TNS3: variants seen among roughly 807,000 people sequenced by gnomAD.
The protein encoded by TNS3 is tensin-3.
A neutral mutation model predicts 140.9 loss-of-function variants in TNS3; 45 were observed. That is an observed-to-expected ratio of 0.32 (90% CI 0.25 to 0.41). The LOEUF (loss-of-function observed/expected upper bound fraction) is 0.41, where lower values mean the gene tolerates loss of function less well. Ranked by LOEUF, TNS3 falls within the 10% of genes least tolerant of loss-of-function variation. The pLI, the probability that TNS3 is intolerant of heterozygous loss-of-function variation, is 1.00. For synonymous variants in TNS3, 815 were observed against 788.4 expected (o/e 1.03, Z -0.56); for missense variants, 1,716 against 1,906.7 (o/e 0.90, Z 1.86).
At chr7:47,320,863 T>C (rs937223369) in intron 20 of TNS3, among the ~76,000 whole-genome samples, 1 of 152,190 alleles carries the variant, frequency 6.6e-6, no homozygotes, top group African/African-American at 2.4e-5. Context: ...GAGAGTGACA[T>C]AGGCCCTACT....
intron 1 of TNS3, 125 bp downstream of exon 1, chr7:47,581,926 C>CG: frequency 6.6e-6 from 1 of 152,370 alleles, no homozygotes. Context: ...CCCCGCGCCC[C>CG]AGCTCCAGAT....
intron 4 of TNS3, among the ~76,000 whole-genome samples, chr7:47,449,602 T>C (rs1795920097): frequency 6.6e-6 from 1 of 152,150 alleles, no homozygotes. Context: ...GTCTCCTTTT[T>C]GTTTTGTTTT....
At chr7:47,537,593 C>A (rs1245510313) in intron 1 of TNS3, among the ~76,000 whole-genome samples, 2 of 152,130 alleles carry the variant, frequency 1.3e-5, no homozygotes, top group East Asian at 2.0e-4. Flanking sequence ...GGATTTCAAA[C>A]CTCTCCGAGA....
intron 24 of TNS3, among the ~76,000 whole-genome samples, chr7:47,295,318 T>G (rs1785945568): frequency 6.6e-6 from 1 of 152,214 alleles, no homozygotes; most frequent in Non-Finnish European, 1.5e-5. Flanking sequence ...GTCCTTGCTT[T>G]AAAACTTTAC....
chr7:47,464,789 C>A (rs1257079715), intron 4 of TNS3, among the ~76,000 whole-genome samples: 2 of 152,210 alleles, frequency 1.3e-5, no homozygotes, highest in Non-Finnish European at 2.9e-5. Context: ...ACTGCATCCT[C>A]TGCCATCATT....
At chr7:47,539,298 TCTTA>T in intron 1 of TNS3, 1 of 354,652 alleles carries the variant, frequency 2.8e-6, no homozygotes, top group South Asian at 2.1e-5. Flanking sequence ...CTGAATCTGC[TCTTA>T]CTTATTTAAA....
chr7:47,280,137 G>A lies in TNS3; in HGVS notation c.4193+27C>T, dbSNP rs371357379. 43 of 1,613,792 alleles carry A rather than the reference G, an allele frequency of 2.7e-5. No individual in the cohort carries two copies. The Middle Eastern group carries it at 5.0e-4, about 19-fold the overall frequency. ...TGGAGTACAACTGCAGACAAGGAGA[G>A]AATGTAAAGAAATCTCAGCAACTTA... On this transcript the variant is annotated intron_variant, in intron 30 of 30. Coordinates refer to ENST00000311160, the MANE Select transcript of TNS3 (RefSeq NM_022748.12).
chr7:47,497,072 A>G (rs550402950), intron 3 of TNS3, among the ~76,000 whole-genome samples: 26 of 152,236 alleles, frequency 1.7e-4, no homozygotes, highest in Non-Finnish European at 2.8e-4. Context: ...AGTCTGAGGC[A>G]CTAATTAAGC....
intron 10 of TNS3, among the ~76,000 whole-genome samples, chr7:47,416,793 G>A (rs181356695): frequency 1.2e-4 from 19 of 152,306 alleles, no homozygotes; most frequent in East Asian, 9.6e-4. Context: ...CAAATTTTAC[G>A]CATTGTGGAT....
At chr7:47,372,135 C>T (rs1452685893) in intron 16 of TNS3, among the ~76,000 whole-genome samples, 4 of 152,204 alleles carry the variant, frequency 2.6e-5, no homozygotes, top group South Asian at 4.1e-4. Flanking sequence ...GCTTCTGCTC[C>T]GTGAGAATGA....
intron 13 of TNS3, among the ~76,000 whole-genome samples, chr7:47,401,300 TCTAGAC>T (rs1793150551): frequency 6.6e-6 from 1 of 152,238 alleles, no homozygotes. Context: ...GTCTCTTTTT[TCTAGAC>T]TTTAACAACT....
At chr7:47,304,009 G>A (rs1418608631) in intron 21 of TNS3, among the ~76,000 whole-genome samples, 1 of 152,188 alleles carries the variant, frequency 6.6e-6, no homozygotes, top group Non-Finnish European at 1.5e-5. Context: ...TGTGCCCTCG[G>A]GAGTAGAAAT....
intron 20 of TNS3, among the ~76,000 whole-genome samples, chr7:47,316,193 A>T (rs1787399575): frequency 6.6e-6 from 1 of 150,506 alleles, no homozygotes; most frequent in African/African-American, 2.4e-5. Flanking sequence ...TTATGCAGTT[A>T]AATAGGAAGT....
intron 3 of TNS3, among the ~76,000 whole-genome samples, chr7:47,494,051 A>G (rs1797912768): frequency 6.6e-6 from 1 of 152,200 alleles, no homozygotes; most frequent in Admixed American, 6.5e-5. Context: ...ATTTAACTCT[A>G]ATGTCCACAT....
intron 17 of TNS3, among the ~76,000 whole-genome samples, chr7:47,358,921 C>CT (rs1218777242): frequency 6.6e-6 from 1 of 152,192 alleles, no homozygotes; most frequent in African/African-American, 2.4e-5. Flanking sequence ...TTAGGCAGAG[C>CT]TTCTGGGGAC....
chr7:47,368,699 A>G lies in TNS3; in HGVS notation c.1947T>C (p.Ser649=). ...GCTGTGTGTCAGGGGGATGTGGCCC[A>G]CTGCCTACACCCCTCTGGACAGCCA... ...SRVAVQRGVG[S]GPHPPDTQQP... is the part of the protein sequence containing the mutation. The change falls in exon 17 of 31, where the codon AGT becomes AGC. Residue 649 remains serine, a synonymous_variant. Coordinates refer to ENST00000311160, the MANE Select transcript of TNS3 (RefSeq NM_022748.12). 1 of 1,586,100 alleles carries G rather than the reference A, an allele frequency of 6.3e-7. No homozygotes were observed. Among genetic ancestry groups the G allele is most frequent in the South Asian group, 1.2e-5 (1 of 85,532 alleles).
chr7:47,402,211 C>T (rs1793205618), intron 13 of TNS3, among the ~76,000 whole-genome samples: 1 of 152,116 alleles, frequency 6.6e-6, no homozygotes. Flanking sequence ...GTGCTATCTA[C>T]AAGGAAAGGG....
intron 20 of TNS3, among the ~76,000 whole-genome samples, chr7:47,322,517 G>A (rs763968491): frequency 2.7e-5 from 4 of 150,866 alleles, no homozygotes; most frequent in Admixed American, 6.7e-5. Flanking sequence ...GTGAGACTCC[G>A]TATCAAACAA....
At chr7:47,280,914 A>G (rs1450559406) in intron 28 of TNS3, among the ~76,000 whole-genome samples, 2 of 148,372 alleles carry the variant, frequency 1.3e-5, no homozygotes, top group Non-Finnish European at 3.0e-5. Flanking sequence ...TTCCATCTCA[A>G]AAAAAAAAAA....
Sources: allele counts gnomAD v4.1 joint callset (sites outside exome capture counted in the v4.1 genomes callset), GRCh38; gene constraint gnomAD v4.1.1; transcripts MANE v1.5; gene names NCBI Gene and HGNC (gene_info 2026-07-23, HGNC 2026-07-21).